ANK2: variants seen among roughly 807,000 people sequenced by gnomAD.
ANK2 encodes ankyrin 2, also known as ankyrin-2.
In ANK2, 83 loss-of-function variants were observed where a neutral mutation model predicts 360.5. That is an observed-to-expected ratio of 0.23 (90% CI 0.19 to 0.28). ANK2 has a LOEUF of 0.28. Among genes scored for constraint, ANK2 ranks in the 10% least tolerant of loss-of-function variants. The probability of loss-of-function intolerance (pLI) is 1.00; values close to 1 mark genes in which losing one functional copy is unlikely to be tolerated. For missense variants in ANK2, 4,201 were observed against 4,795.7 expected, an observed-to-expected ratio of 0.88 and a Z score of 3.66; for synonymous variants, 1,740 against 1,759.5, an observed-to-expected ratio of 0.99 and a Z score of 0.28.
At chr4:113,135,735 CT>C (rs2096368186) in intron 1 of ANK2, among the ~76,000 whole-genome samples, 1 of 152,088 alleles carries the variant, frequency 6.6e-6, no homozygotes, top group Non-Finnish European at 1.5e-5. Flanking sequence ...GCTACTGATG[CT>C]TTTGTGGCCA....
Position 113,111,413 on chromosome 4 carries a change from A to G in ANK2, c.84+61601A>G, listed in dbSNP as rs555305974. On this transcript the variant is annotated intron_variant, in intron 1 of 45. Transcript: ENST00000357077. ...AAACAACAAATTTCTTCATGGATAA[A>G]GGCACGACATAAATGAGCACACAAA... Among the ~76,000 whole-genome samples, 3 of 152,330 alleles carry G rather than the reference A, an allele frequency of 2.0e-5. No homozygotes were observed. In the South Asian group the frequency reaches 6.2e-4, roughly 32 times the overall value.
At chr4:112,712,428 G>A in the ANK2 span, among the ~76,000 whole-genome samples, 1 of 78,174 alleles carries the variant, frequency 1.3e-5, no homozygotes, top group South Asian at 4.5e-4. Context: ...TTTTTTTTGA[G>A]ATGGAGTTTC....
intron 11 of ANK2, among the ~76,000 whole-genome samples, chr4:113,256,895 C>T (rs1158868888): frequency 6.6e-6 from 1 of 152,106 alleles, no homozygotes; most frequent in African/African-American, 2.4e-5. Context: ...TCTAGGGAGT[C>T]AAAAACATTA....
intron 33 of ANK2, 87 bp downstream of exon 33, chr4:113,342,003 T>C: frequency 8.0e-7 from 1 of 1,247,696 alleles, no homozygotes; most frequent in Admixed American, 2.0e-5. Flanking sequence ...ATTTAATAAA[T>C]AGAATAATTA....
At chr4:112,821,775 T>C (rs2057120345) in intron 1 of ANK2, among the ~76,000 whole-genome samples, 1 of 151,540 alleles carries the variant, frequency 6.6e-6, no homozygotes, top group African/African-American at 2.4e-5. Context: ...TCATAGATTT[T>C]TTTTTTTTTT....
At chr4:113,243,438 T>C (rs1323517291) in intron 9 of ANK2, among the ~76,000 whole-genome samples, 1 of 152,202 alleles carries the variant, frequency 6.6e-6, no homozygotes, top group Non-Finnish European at 1.5e-5. Context: ...CTATAAATTA[T>C]GGTTTTTAAT....
chr4:113,051,050 A>G (rs528489359), intron 1 of ANK2, among the ~76,000 whole-genome samples: 11 of 152,260 alleles, frequency 7.2e-5, no homozygotes, highest in Admixed American at 2.6e-4. Flanking sequence ...GCAAAAGGAT[A>G]ATTCAGGGCA....
intron 1 of ANK2, among the ~76,000 whole-genome samples, chr4:113,079,843 A>G (rs918263190): frequency 6.6e-6 from 1 of 152,248 alleles, no homozygotes. Context: ...AGATGAAAAC[A>G]TAAAGTCGTT....
the ANK2 span, among the ~76,000 whole-genome samples, chr4:112,792,223 T>C: frequency 3.9e-5 from 6 of 151,952 alleles, no homozygotes; most frequent in Non-Finnish European, 7.4e-5. Flanking sequence ...GTGTTTTTAA[T>C]AGAGACAGGG....
intron 1 of ANK2, chr4:113,151,144 A>C: frequency 7.8e-7 from 1 of 1,286,440 alleles, no homozygotes; most frequent in South Asian, 1.2e-5. Context: ...GCAAAAAAAC[A>C]CTTCTAAAAA....
intron 2 of ANK2, among the ~76,000 whole-genome samples, chr4:113,193,023 G>A (rs968650): frequency 0.043 from 6,545 of 151,974 alleles, 160 homozygotes; most frequent in East Asian, 0.057. Flanking sequence ...ACGGGACTCC[G>A]CTATGGATGA....
intron 1 of ANK2, 31 bp from the exon 2 acceptor site, chr4:113,174,385 G>C: frequency 1.3e-6 from 2 of 1,539,320 alleles, no homozygotes; most frequent in Non-Finnish European, 1.8e-6. Context: ...TTCATCAATA[G>C]TTCATTAAAG....
intron 1 of ANK2, among the ~76,000 whole-genome samples, chr4:113,075,915 T>C (rs2079742336): frequency 1.3e-5 from 2 of 152,212 alleles, no homozygotes; most frequent in African/African-American, 2.4e-5. Context: ...TCTCAAACTT[T>C]AGTGTGCGAT....
At chr4:113,317,135 A>T (rs1392670974) in intron 24 of ANK2, among the ~76,000 whole-genome samples, 1 of 152,240 alleles carries the variant, frequency 6.6e-6, no homozygotes, top group Non-Finnish European at 1.5e-5. Context: ...GGAAGCATGC[A>T]TCTGGCCACA....
chr4:113,068,607 G>A (rs1224151502), intron 1 of ANK2, among the ~76,000 whole-genome samples: 2 of 152,194 alleles, frequency 1.3e-5, no homozygotes, highest in Non-Finnish European at 2.9e-5. Context: ...TAAAGAGAAT[G>A]ATTAGAAATG....
At chr4:113,374,828 G>T in intron 45 of ANK2, 1 of 1,268,460 alleles carries the variant, frequency 7.9e-7, no homozygotes, top group Non-Finnish European at 1.0e-6. Context: ...CCAGTGGAAG[G>T]CCGTAGAGTC....
At chr4:113,181,836 T>A (rs552752392) in intron 2 of ANK2, among the ~76,000 whole-genome samples, 4 of 151,194 alleles carry the variant, frequency 2.6e-5, no homozygotes, top group Non-Finnish European at 4.4e-5. Context: ...TAGGAGGAGG[T>A]TGGGGAGAGC....
At chr4:113,028,257 T>C (rs146253262) in intron 2 of ANK2, among the ~76,000 whole-genome samples, 208 of 152,190 alleles carry the variant, frequency 1.4e-3, no homozygotes, top group African/African-American at 4.9e-3. Context: ...TAATGACCTT[T>C]GGGATGAGAC....
At chr4:113,038,061 CTT>C (rs2061991918) in intron 2 of ANK2, among the ~76,000 whole-genome samples, 1 of 151,886 alleles carries the variant, frequency 6.6e-6, no homozygotes, top group East Asian at 1.9e-4. Flanking sequence ...TTATGATATA[CTT>C]TTGTTTCATT....
Sources: allele counts gnomAD v4.1 joint callset (sites outside exome capture counted in the v4.1 genomes callset), GRCh38; gene constraint gnomAD v4.1.1; transcripts MANE v1.5; gene names NCBI Gene and HGNC (gene_info 2026-07-23, HGNC 2026-07-21).